Variants in NGF observed in about 807,000 individuals in gnomAD.
NGF encodes the protein beta-nerve growth factor.
In NGF, 4 loss-of-function variants were observed where a neutral mutation model predicts 12.8. The observed-to-expected ratio is 0.31, with a 90% confidence interval of 0.15 to 0.72. NGF has a LOEUF of 0.72. Among genes scored for constraint, NGF ranks in the 30% least tolerant of loss-of-function variants. The pLI is 0.69. For missense variants in NGF, 283 were observed against 330.8 expected, an observed-to-expected ratio of 0.86 and a Z score of 1.12; for synonymous variants, 140 against 130.0, an observed-to-expected ratio of 1.08 and a Z score of -0.52.
intron 1 of NGF, among the ~76,000 whole-genome samples, chr1:115,311,898 G>T (rs1654344183): frequency 6.6e-6 from 1 of 152,148 alleles, no homozygotes; most frequent in South Asian, 2.1e-4. Context: ...TTGCCAGCAA[G>T]AAATTAACAA....
intron 1 of NGF, among the ~76,000 whole-genome samples, chr1:115,336,256 C>T (rs1435957549): frequency 2.6e-5 from 4 of 152,144 alleles, no homozygotes; most frequent in South Asian, 2.1e-4. Context: ...TGCAGTGGTG[C>T]CAGCAGCTGG....
chr1:115,290,808 T>C (rs1653672415), intron 2 of NGF, among the ~76,000 whole-genome samples: 1 of 152,144 alleles, frequency 6.6e-6, no homozygotes, highest in South Asian at 2.1e-4. Context: ...CTCATCTTTG[T>C]TGCCCCCAGG....
intron 1 of NGF, among the ~76,000 whole-genome samples, chr1:115,333,725 TC>T (rs1188717699): frequency 9.6e-4 from 121 of 126,180 alleles, no homozygotes; most frequent in East Asian, 4.9e-3. Flanking sequence ...TTTCTTTCTT[TC>T]CTTCTTTCTT....
At chr1:115,298,617 G>A (rs943016593) in intron 1 of NGF, among the ~76,000 whole-genome samples, 11 of 152,040 alleles carry the variant, frequency 7.2e-5, no homozygotes, top group African/African-American at 2.4e-4. Context: ...AGTGCAAGCT[G>A]CTCTTGGGAC....
intron 1 of NGF, among the ~76,000 whole-genome samples, chr1:115,306,026 C>T (rs1174542616): frequency 6.6e-6 from 1 of 152,158 alleles, no homozygotes; most frequent in Non-Finnish European, 1.5e-5. Flanking sequence ...CATACATTTA[C>T]AGGAAAGCAT....
At chr1:115,299,855 C>T (rs1243620376) in intron 1 of NGF, among the ~76,000 whole-genome samples, 1 of 152,164 alleles carries the variant, frequency 6.6e-6, no homozygotes, top group Non-Finnish European at 1.5e-5. Context: ...CCGTTGTTCC[C>T]ATACTTAGGA....
chr1:115,321,197 C>T (rs1233986113), intron 1 of NGF, among the ~76,000 whole-genome samples: 4 of 152,200 alleles, frequency 2.6e-5, no homozygotes, highest in African/African-American at 9.7e-5. Flanking sequence ...CCTGGCTAGT[C>T]TGTAAGCCCC....
At chr1:115,289,789 C>G (rs1333838079) in intron 2 of NGF, among the ~76,000 whole-genome samples, 1 of 152,186 alleles carries the variant, frequency 6.6e-6, no homozygotes, top group Non-Finnish European at 1.5e-5. Context: ...TTTTCTGTTA[C>G]TGGAACCATC....
intron 1 of NGF, among the ~76,000 whole-genome samples, chr1:115,314,913 G>T (rs142637125): frequency 6.6e-6 from 1 of 152,314 alleles, no homozygotes; most frequent in Non-Finnish European, 1.5e-5. Flanking sequence ...ATTATAAGTT[G>T]AGGCGCTAGT....
At chr1:115,305,125 T>C (rs1654164675) in intron 1 of NGF, among the ~76,000 whole-genome samples, 2 of 152,210 alleles carry the variant, frequency 1.3e-5, no homozygotes, top group Non-Finnish European at 2.9e-5. Context: ...ATTAGTCCAT[T>C]AGCATAAACT....
In NGF at chr1:115,337,267, G is replaced by GTTTTTTTTTTT. The variant is rs67307707; in HGVS notation, c.-137+926_-137+936dup. On this transcript the variant is annotated intron_variant, in intron 1 of 2. Transcript: ENST00000369512. ...TCGAAATTTTTTTTGTTTTGTTTTTGTTTTTTTTTTTTTTTTTTTTTTTTT... is the reference window on the plus strand; with the variant it reads ...TCGAAATTTTTTTTGTTTTGTTTTTGTTTTTTTTTTTTTTTTTTTTTTTTTTTTTTTTTTTT... Among the ~76,000 whole-genome samples the GTTTTTTTTTTT allele has an allele frequency of 4.1e-3, 333 of 80,946 alleles. 31 individuals carry two copies. Among genetic ancestry groups the GTTTTTTTTTTT allele is most frequent in the Non-Finnish European group, 6.4e-3 (273 of 42,622 alleles). 53.1% of individuals were successfully genotyped at this position (80,946 alleles called of 152,430 possible).
At chr1:115,289,290 GA>G (rs1310573239) in intron 2 of NGF, among the ~76,000 whole-genome samples, 4 of 152,176 alleles carry the variant, frequency 2.6e-5, no homozygotes, top group African/African-American at 7.2e-5. Flanking sequence ...AAAGAAAACT[GA>G]AATTCATTCC....
intron 2 of NGF, among the ~76,000 whole-genome samples, chr1:115,289,202 C>T (rs1486362641): frequency 1.3e-5 from 2 of 152,026 alleles, no homozygotes; most frequent in Non-Finnish European, 2.9e-5. Flanking sequence ...AAACCTTTTA[C>T]TTTTGCTCCT....
chr1:115,332,858 A>T (rs543837784), intron 1 of NGF, among the ~76,000 whole-genome samples: 60 of 152,164 alleles, frequency 3.9e-4, no homozygotes, highest in Non-Finnish European at 7.8e-4. Flanking sequence ...CCATAATCCA[A>T]AGGGAGCCTG....
rs150361505 is a variant in NGF at position 115,291,826 on chromosome 1, G to C, written c.-13+1801C>G. On this transcript the variant is annotated intron_variant, in intron 2 of 2. Coordinates refer to ENST00000369512, the MANE Select transcript of NGF (RefSeq NM_002506.3). ...AATATTTGTGGTTAGGAGGGCTGAT[G>C]GCACTGGGAGGCTTGGCAACCATGC... is the stretch of plus-strand genomic sequence containing the variant. Among the ~76,000 whole-genome samples, 381 of 152,336 alleles carry C rather than the reference G, an allele frequency of 2.5e-3. 2 individuals are homozygous for C. Among genetic ancestry groups the C allele is most frequent in the African/African-American group, 8.6e-3 (359 of 41,570 alleles).
At chr1:115,294,025 G>A (rs552762670) in intron 1 of NGF, among the ~76,000 whole-genome samples, 1 of 152,314 alleles carries the variant, frequency 6.6e-6, no homozygotes, top group East Asian at 1.9e-4. Context: ...ACCTAGTGCA[G>A]GTGTTTCTAG....
intron 1 of NGF, among the ~76,000 whole-genome samples, chr1:115,333,728 TTCTTTC>T (rs1265701146): frequency 9.2e-4 from 113 of 123,262 alleles, no homozygotes; most frequent in East Asian, 4.6e-3. Flanking sequence ...CTTTCTTTCC[TTCTTTC>T]TTTCTTTCTT....
rs376972897 is a variant in NGF at position 115,330,316 on chromosome 1, C to T, written c.-137+7888G>A. On this transcript the variant is annotated intron_variant, in intron 1 of 2. Coordinates refer to ENST00000369512, the MANE Select transcript of NGF (RefSeq NM_002506.3). Reference sequence around the variant, plus strand: ...AGAATATATAATCACTCATCTCAGGCACTGACTGCTAATATTTTAGGCAAT... The same window carrying T: ...AGAATATATAATCACTCATCTCAGGTACTGACTGCTAATATTTTAGGCAAT... Among the ~76,000 whole-genome samples the T allele has an allele frequency of 7.9e-5, 12 of 152,316 alleles. No individual in the cohort carries two copies. The East Asian group carries it at 1.4e-3, about 17-fold the overall frequency.
In NGF at chr1:115,287,294, T is replaced by C. The variant is rs146015431; in HGVS notation, c.-12-487A>G. 6.6e-4 allele frequency among the ~76,000 whole-genome samples: 101 copies of C among 152,302 alleles called. No individual in the cohort carries two copies. The East Asian group carries it at 0.014, about 21-fold the overall frequency. ...GCACGGGGAAGATCTGCTGGGGACA[T>C]GTCTTGAAGCCTCAGAACTGGGTAC... On this transcript the variant is annotated intron_variant, in intron 2 of 2. Transcript: ENST00000369512.
Sources: gnomAD v4.1 joint callset for allele counts (sites outside exome capture counted in the v4.1 genomes callset) on GRCh38, gnomAD v4.1.1 for gene constraint, MANE v1.5 for transcripts, NCBI Gene and HGNC (gene_info 2026-07-23, HGNC 2026-07-21) for gene names.